The following SLC39A8 variants were observed in gnomAD, a reference collection of about 807,000 sequenced individuals.
SLC39A8 encodes the protein solute carrier family 39 member 8, also known as metal cation symporter ZIP8.
A neutral mutation model predicts 40.4 loss-of-function variants in SLC39A8; 15 were observed. The observed-to-expected ratio is 0.37, with a 90% CI of 0.25 to 0.57. The LOEUF (loss-of-function observed/expected upper bound fraction) is 0.57. Among genes scored for constraint, SLC39A8 ranks in the 20% least tolerant of loss-of-function variants. The probability of loss-of-function intolerance (pLI) is 0.75; values close to 1 mark genes in which losing one functional copy is unlikely to be tolerated. For missense variants in SLC39A8, 472 were observed against 558.8 expected (o/e 0.84, Z 1.57); for synonymous variants, 223 against 221.6 (o/e 1.01, Z -0.06).
At chr4:102,308,469 T>C (rs1457568052) in intron 3 of SLC39A8, among the ~76,000 whole-genome samples, 2 of 152,112 alleles carry the variant, frequency 1.3e-5, no homozygotes, top group African/African-American at 4.8e-5. Flanking sequence ...GTGTGACCTA[T>C]TGCCTTTGGG....
At chr4:102,311,659 C>T (rs1256470909) in intron 3 of SLC39A8, among the ~76,000 whole-genome samples, 1 of 152,032 alleles carries the variant, frequency 6.6e-6, no homozygotes, top group Non-Finnish European at 1.5e-5. Context: ...AATTTCTCTC[C>T]TAGAGAATTT....
downstream of SLC39A8, among the ~76,000 whole-genome samples, chr4:102,257,304 C>A (rs1731730166): frequency 6.6e-6 from 1 of 151,894 alleles, no homozygotes; most frequent in South Asian, 2.1e-4. Context: ...GTGTCCGCCA[C>A]CACCCCCAGC....
At chr4:102,265,854 T>A (rs1270153324) in intron 8 of SLC39A8, among the ~76,000 whole-genome samples, 11 of 152,236 alleles carry the variant, frequency 7.2e-5, no homozygotes, top group Non-Finnish European at 1.6e-4. Flanking sequence ...TTACCTGCTC[T>A]CTATGCTTCA....
intron 6 of SLC39A8, among the ~76,000 whole-genome samples, chr4:102,296,018 A>T (rs1217396584): frequency 6.6e-6 from 1 of 152,078 alleles, no homozygotes; most frequent in Admixed American, 6.6e-5. Flanking sequence ...TTGAATAGCA[A>T]ATTATATTGG....
Position 102,262,914 on chromosome 4 carries a change from T to A in SLC39A8, c.*130A>T. 1 of 1,414,918 alleles carries A rather than the reference T, an allele frequency of 7.1e-7. No homozygotes were observed. The highest frequency in any genetic ancestry group is 9.2e-7 in the Non-Finnish European group (1 of 1,087,844). The allele number at this position is 1,414,918 out of a possible 1,614,324, so 87.6% of individuals were successfully genotyped here. ...CTATTTCACAGACTGATGCCAATAA[T>A]TAGTTTTCTGGACCTACAGTTGAAA... On this transcript the variant is annotated 3_prime_UTR_variant, in exon 9 of 9. Coordinates refer to ENST00000356736, the MANE Select transcript of SLC39A8 (RefSeq NM_001135146.2).
At chr4:102,266,381 C>T (rs1424902706) in intron 8 of SLC39A8, among the ~76,000 whole-genome samples, 1 of 152,120 alleles carries the variant, frequency 6.6e-6, no homozygotes, top group Non-Finnish European at 1.5e-5. Context: ...AATCCTTGCT[C>T]TTCTGAGGGT....
intron 2 of SLC39A8, among the ~76,000 whole-genome samples, chr4:102,333,369 AG>A (rs2149052678): frequency 6.6e-6 from 1 of 152,284 alleles, no homozygotes; most frequent in African/African-American, 2.4e-5. Context: ...CAATCCCATA[AG>A]GTAGGTACAA....
chr4:102,282,682 C>G (rs1732951886), intron 6 of SLC39A8, among the ~76,000 whole-genome samples: 3 of 152,034 alleles, frequency 2.0e-5, no homozygotes, highest in African/African-American at 7.3e-5. Context: ...CAATGGATCT[C>G]AGAGGCTTCC....
chr4:102,294,475 A>G (rs1733594670), intron 6 of SLC39A8, among the ~76,000 whole-genome samples: 1 of 152,084 alleles, frequency 6.6e-6, no homozygotes. Context: ...CCAAAGTGAT[A>G]TATAATCACC....
intron 2 of SLC39A8, among the ~76,000 whole-genome samples, chr4:102,342,615 C>T (rs1327761591): frequency 6.6e-6 from 1 of 152,078 alleles, no homozygotes; most frequent in African/African-American, 2.4e-5. Flanking sequence ...CTTTTTGATG[C>T]CCACAGAGGC....
At chr4:102,283,640 A>G (rs7663815) in intron 6 of SLC39A8, among the ~76,000 whole-genome samples, 6,027 of 137,016 alleles carry the variant, frequency 0.044, 395 homozygotes, top group African/African-American at 0.14. Flanking sequence ...TCTACTGTTT[A>G]CAGATTGCAA....
intron 6 of SLC39A8, among the ~76,000 whole-genome samples, chr4:102,269,114 G>C (rs1460225991): frequency 6.6e-6 from 1 of 151,918 alleles, no homozygotes. Flanking sequence ...CTGTCTTCAA[G>C]AAGTGTATTT....
At chr4:102,342,124 T>A (rs1735969819) in intron 2 of SLC39A8, among the ~76,000 whole-genome samples, 1 of 152,224 alleles carries the variant, frequency 6.6e-6, no homozygotes, top group South Asian at 2.1e-4. Flanking sequence ...AGTCCATCAC[T>A]TACCAGCAAA....
At chr4:102,341,475 G>A (rs1274418951) in intron 2 of SLC39A8, among the ~76,000 whole-genome samples, 1 of 152,158 alleles carries the variant, frequency 6.6e-6, no homozygotes, top group Non-Finnish European at 1.5e-5. Context: ...TAACCCAGGG[G>A]TATCCAGATA....
At chr4:102,316,546 A>G (rs1368890442) in intron 2 of SLC39A8, among the ~76,000 whole-genome samples, 1 of 152,174 alleles carries the variant, frequency 6.6e-6, no homozygotes, top group Non-Finnish European at 1.5e-5. Context: ...CTCACATTTT[A>G]ACTGTAAGCT....
At chr4:102,337,346 C>T (rs920140702) in intron 2 of SLC39A8, among the ~76,000 whole-genome samples, 1 of 151,788 alleles carries the variant, frequency 6.6e-6, no homozygotes. Context: ...AAAACTAAGT[C>T]CCTGCCCCTC....
At chr4:102,259,456 G>A (rs753160208), downstream of SLC39A8, 109 of 1,539,898 alleles carry the variant, frequency 7.1e-5, 1 homozygote, top group Admixed American at 1.4e-4. Flanking sequence ...TATTCTTACC[G>A]TATATATCCA....
chr4:102,328,365 G>T (rs1482999714), intron 2 of SLC39A8, among the ~76,000 whole-genome samples: 2 of 150,424 alleles, frequency 1.3e-5, no homozygotes, highest in East Asian at 3.9e-4. Flanking sequence ...TTCATTGTCG[G>T]CAACAAAAAA....
chr4:102,307,745 A>G (rs1734249657), intron 3 of SLC39A8, 140 bp from the exon 4 acceptor site: 7 of 775,668 alleles, frequency 9.0e-6, no homozygotes, highest in South Asian at 7.6e-5. Flanking sequence ...TACTCAATGA[A>G]AAGTATATAG....
Sources: gnomAD v4.1 joint callset for allele counts (sites outside exome capture counted in the v4.1 genomes callset) on GRCh38, gnomAD v4.1.1 for gene constraint, MANE v1.5 for transcripts, NCBI Gene and HGNC (gene_info 2026-07-23, HGNC 2026-07-21) for gene names.